The following THSD7B variants were observed in gnomAD, a reference collection of about 807,000 sequenced individuals.
The protein encoded by THSD7B is thrombospondin type-1 domain-containing protein 7B.
In THSD7B, 138 loss-of-function variants were observed where a neutral mutation model predicts 213.6. That is an observed-to-expected ratio of 0.65 (90% CI 0.56 to 0.74). THSD7B has a LOEUF of 0.74. Among genes scored for constraint, THSD7B ranks in the 30% least tolerant of loss-of-function variants. The pLI, the probability that THSD7B is intolerant of heterozygous loss-of-function variation, is 0.00. For missense variants in THSD7B, 1,931 were observed against 1,991.5 expected (o/e 0.97, Z 0.58); for synonymous variants, 742 against 687.0 (o/e 1.08, Z -1.25).
chr2:137,003,317 A>G (rs1331146804), intron 2 of THSD7B, among the ~76,000 whole-genome samples: 1 of 152,238 alleles, frequency 6.6e-6, no homozygotes, highest in Non-Finnish European at 1.5e-5. Flanking sequence ...TGGAAAGAGC[A>G]TTCCAAGAAC....
intron 1 of THSD7B, among the ~76,000 whole-genome samples, chr2:136,845,748 T>C (rs1682998801): frequency 6.6e-6 from 1 of 152,144 alleles, no homozygotes; most frequent in South Asian, 2.1e-4. Context: ...AGGCAAGATG[T>C]GCTTGTTTGT....
intron 7 of THSD7B, among the ~76,000 whole-genome samples, chr2:137,218,699 C>G (rs1317510319): frequency 6.6e-6 from 1 of 151,904 alleles, no homozygotes; most frequent in Non-Finnish European, 1.5e-5. Flanking sequence ...CATAAATTTC[C>G]AACTGATGTC....
At chr2:137,478,719 G>T (rs759573431) in intron 15 of THSD7B, among the ~76,000 whole-genome samples, 14 of 152,162 alleles carry the variant, frequency 9.2e-5, no homozygotes, top group Non-Finnish European at 1.8e-4. Flanking sequence ...TCTTTAATAG[G>T]GGAGGACATT....
In THSD7B at chr2:137,537,370, C is replaced by T. The variant is rs146043150; in HGVS notation, c.3139-25851C>T. Among the ~76,000 whole-genome samples the T allele has an allele frequency of 8.6e-4, 131 of 151,738 alleles. 1 individual carries two copies. Among genetic ancestry groups the T allele is most frequent in the African/African-American group, 2.6e-3 (107 of 41,480 alleles). On this transcript the variant is annotated intron_variant, in intron 15 of 27. Transcript: ENST00000409968. ...TTCTATACTTCTATCTAAAGCCAAA[C>T]GTATTCTTCTTTTAATTAGGCTATA...
At chr2:137,472,067 G>T (rs1434396917) in intron 15 of THSD7B, among the ~76,000 whole-genome samples, 2 of 152,168 alleles carry the variant, frequency 1.3e-5, no homozygotes, top group Non-Finnish European at 2.9e-5. Flanking sequence ...CAATCTGCAG[G>T]TGTTGGAGTT....
intron 3 of THSD7B, among the ~76,000 whole-genome samples, chr2:137,073,285 T>C (rs1488954260): frequency 2.6e-5 from 4 of 152,220 alleles, no homozygotes; most frequent in African/African-American, 9.6e-5. Context: ...TTTCAGAGCC[T>C]GTTATTGTTC....
intron 1 of THSD7B, among the ~76,000 whole-genome samples, chr2:136,857,769 A>G (rs1683198585): frequency 6.6e-6 from 1 of 152,226 alleles, no homozygotes; most frequent in Non-Finnish European, 1.5e-5. Context: ...AAAATCTCAC[A>G]TAATAATTGC....
intron 3 of THSD7B, among the ~76,000 whole-genome samples, chr2:137,059,569 C>T (rs1476335752): frequency 2.6e-5 from 4 of 152,108 alleles, no homozygotes; most frequent in Non-Finnish European, 5.9e-5. Context: ...AACTACTGAC[C>T]ATTTTACTGA....
intron 3 of THSD7B, among the ~76,000 whole-genome samples, chr2:137,074,172 G>A (rs1687565439): frequency 6.6e-6 from 1 of 151,482 alleles, no homozygotes; most frequent in Non-Finnish European, 1.5e-5. Context: ...TCTGTCTAAT[G>A]TTGACAGTGG....
intron 10 of THSD7B, among the ~76,000 whole-genome samples, chr2:137,246,399 A>G (rs188024623): frequency 6.6e-6 from 1 of 152,170 alleles, no homozygotes; most frequent in African/African-American, 2.4e-5. Context: ...GAATCACTGG[A>G]TTATGAAAAT....
chr2:136,895,413 C>T (rs1205724394), intron 2 of THSD7B, among the ~76,000 whole-genome samples: 1 of 148,500 alleles, frequency 6.7e-6, no homozygotes, highest in East Asian at 2.0e-4. Context: ...CAGAGGATCT[C>T]ATTAATAAAA....
At chr2:137,237,522 A>G (rs1401675689) in intron 9 of THSD7B, among the ~76,000 whole-genome samples, 3 of 152,220 alleles carry the variant, frequency 2.0e-5, no homozygotes. Flanking sequence ...GGCACGATAC[A>G]AAATGGAATT....
intron 21 of THSD7B, among the ~76,000 whole-genome samples, chr2:137,648,540 G>A (rs1349560623): frequency 2.6e-5 from 4 of 152,162 alleles, no homozygotes; most frequent in South Asian, 2.1e-4. Context: ...TTATGTTTCT[G>A]CAAATGACAG....
At chr2:136,954,213 G>A (rs1047604370) in intron 2 of THSD7B, among the ~76,000 whole-genome samples, 3 of 152,166 alleles carry the variant, frequency 2.0e-5, no homozygotes, top group African/African-American at 4.8e-5. Flanking sequence ...CTGTGCTGTG[G>A]AATTTAATGA....
In THSD7B at chr2:137,233,074, C is replaced by T. The variant is rs1314334101; in HGVS notation, c.2091C>T (p.Gly697=). Residue 697 remains glycine, a synonymous_variant, in exon 9 of 28, where the codon GGC becomes GGT. Coordinates refer to ENST00000409968, the MANE Select transcript of THSD7B (RefSeq NM_001316349.2). ...ATGGAGAAGCCACGTGTGGTGTAGG[C>T]ATTCAGACTCGGAGAGTCTTCTGTG... ...GWNGEATCGV[G]IQTRRVFCVK... 2 of 1,613,760 alleles carry T rather than the reference C, an allele frequency of 1.2e-6. No individual in the cohort carries two copies. The highest frequency in any genetic ancestry group is 1.7e-6 in the Non-Finnish European group (2 of 1,179,836).
At chr2:137,398,835 C>T (rs1332270068) in intron 12 of THSD7B, among the ~76,000 whole-genome samples, 2 of 152,240 alleles carry the variant, frequency 1.3e-5, no homozygotes, top group Non-Finnish European at 2.9e-5. Flanking sequence ...GCGTAGGACC[C>T]TCCAAGCCAG....
chr2:137,474,492 G>A lies in THSD7B; in HGVS notation c.3138+23469G>A, dbSNP rs544393946. On this transcript the variant is annotated intron_variant, in intron 15 of 27. Coordinates refer to ENST00000409968, the MANE Select transcript of THSD7B (RefSeq NM_001316349.2). ...GAACTTGACTAAGAAGTATGGGAAT[G>A]CTAGATGTCTCACAAGAAGTGTTTC... Among the ~76,000 whole-genome samples, 9 of 152,278 alleles carry A rather than the reference G, an allele frequency of 5.9e-5. No individual in the cohort carries two copies. In the South Asian group the frequency reaches 1.7e-3, roughly 28 times the overall value.
chr2:137,663,002 T>A (rs1280204729), intron 25 of THSD7B, among the ~76,000 whole-genome samples: 2 of 143,004 alleles, frequency 1.4e-5, no homozygotes, highest in East Asian at 3.9e-4. Flanking sequence ...GAGGCGGAGA[T>A]TACAATGAGC....
intron 12 of THSD7B, among the ~76,000 whole-genome samples, chr2:137,277,418 G>A (rs1427318727): frequency 6.6e-6 from 1 of 151,972 alleles, no homozygotes; most frequent in Non-Finnish European, 1.5e-5. Flanking sequence ...TTTAGTTGAT[G>A]GGCAAGTTGC....
Sources: gnomAD v4.1 joint callset for allele counts (sites outside exome capture counted in the v4.1 genomes callset) on GRCh38, gnomAD v4.1.1 for gene constraint, MANE v1.5 for transcripts, NCBI Gene and HGNC (gene_info 2026-07-23, HGNC 2026-07-21) for gene names.